The following STIM1 variants were observed in gnomAD, a reference collection of about 807,000 sequenced individuals.
STIM1 encodes the protein stromal interaction molecule 1.
Under a neutral mutation model 74.7 loss-of-function variants are expected in STIM1, and 25 were observed. The observed-to-expected ratio is 0.33, with a 90% CI of 0.24 to 0.47. STIM1 has a LOEUF of 0.47. STIM1 is among the 20% of genes least tolerant of loss of function. The pLI is 1.00. For synonymous variants in STIM1, 328 were observed against 348.8 expected, an observed-to-expected ratio of 0.94 and a Z score of 0.66; for missense variants, 728 against 920.8, an observed-to-expected ratio of 0.79 and a Z score of 2.71.
chr11:3,911,042 C>T (rs2092554570), intron 1 of STIM1, among the ~76,000 whole-genome samples: 1 of 152,098 alleles, frequency 6.6e-6, no homozygotes, highest in South Asian at 2.1e-4. Flanking sequence ...TCTCATCCTG[C>T]TGGAGTCTGT....
chr11:3,951,291 C>T (rs1278402997), intron 1 of STIM1, among the ~76,000 whole-genome samples: 1 of 152,166 alleles, frequency 6.6e-6, no homozygotes, highest in Non-Finnish European at 1.5e-5. Context: ...ATCTTGACTG[C>T]AACATTGTTT....
chr11:3,900,291 C>G (rs567661315), intron 1 of STIM1, among the ~76,000 whole-genome samples: 4 of 152,154 alleles, frequency 2.6e-5, no homozygotes, highest in African/African-American at 9.7e-5. Context: ...GTGGGAAAAG[C>G]GCAGTATTGG....
intron 1 of STIM1, among the ~76,000 whole-genome samples, chr11:3,943,001 T>A (rs978465111): frequency 4.6e-5 from 7 of 152,170 alleles, no homozygotes; most frequent in Non-Finnish European, 1.0e-4. Context: ...CCCAGAAGGA[T>A]GTTATCATTG....
chr11:4,008,826 C>T (rs1297971174), intron 2 of STIM1, among the ~76,000 whole-genome samples: 1 of 152,130 alleles, frequency 6.6e-6, no homozygotes, highest in South Asian at 2.1e-4. Context: ...AAACTTCACA[C>T]AGACAGTAGC....
chr11:3,904,765 A>G (rs538963266), intron 1 of STIM1, among the ~76,000 whole-genome samples: 121 of 152,238 alleles, frequency 7.9e-4, no homozygotes, highest in African/African-American at 2.5e-3. Flanking sequence ...AACACATGGA[A>G]TACAAGAGAG....
intron 3 of STIM1, among the ~76,000 whole-genome samples, chr11:4,045,454 T>A (rs528068300): frequency 3.0e-5 from 4 of 134,266 alleles, no homozygotes. Context: ...TCCATCAGCA[T>A]TTTTTTTTTT....
intron 2 of STIM1, among the ~76,000 whole-genome samples, chr11:3,991,408 C>T (rs1388733264): frequency 6.6e-6 from 1 of 151,586 alleles, no homozygotes; most frequent in East Asian, 2.0e-4. Flanking sequence ...TGGGCTCAAG[C>T]TCTCCTCCCG....
At chr11:3,895,700 TTC>T (rs2092092618) in intron 1 of STIM1, among the ~76,000 whole-genome samples, 1 of 29,758 alleles carries the variant, frequency 3.4e-5, no homozygotes, top group African/African-American at 2.2e-4. Context: ...CTTTCTTTCT[TTC>T]TTTCTTTCTT....
chr11:3,874,755 C>T (rs568933278), intron 1 of STIM1, among the ~76,000 whole-genome samples: 33 of 152,144 alleles, frequency 2.2e-4, no homozygotes, highest in Middle Eastern at 3.2e-3. Flanking sequence ...CCCGCTCCTG[C>T]AAGATTTGGT....
chr11:3,928,940 G>A (rs2092823925), intron 1 of STIM1, among the ~76,000 whole-genome samples: 1 of 152,058 alleles, frequency 6.6e-6, no homozygotes, highest in Non-Finnish European at 1.5e-5. Context: ...GAGCAATCTC[G>A]GCTCACTGCA....
Position 4,084,656 on chromosome 11 carries a change from C to T in STIM1, c.1475-17C>T. On this transcript the variant is annotated splice_polypyrimidine_tract_variant and intron_variant, in intron 10 of 12. Transcript: ENST00000526596. ...AATCAGATTCTCTTCTCCTTTTGGC[C>T]TGGCTGTTGACCCTAGATGCTGCCT... is the stretch of plus-strand genomic sequence containing the variant. The T allele has an allele frequency of 1.6e-6, 2 of 1,289,248 alleles. No homozygotes were observed. The highest frequency in any genetic ancestry group is 2.0e-6 in the Non-Finnish European group (2 of 988,734). 79.9% of individuals were successfully genotyped at this position (1,289,248 alleles called of 1,614,324 possible).
intron 1 of STIM1, among the ~76,000 whole-genome samples, chr11:3,860,222 A>G (rs1272882173): frequency 6.6e-6 from 1 of 152,250 alleles, no homozygotes; most frequent in Non-Finnish European, 1.5e-5. Flanking sequence ...TTAATACAAT[A>G]ACATCAATGA....
intron 7 of STIM1, among the ~76,000 whole-genome samples, 161 bp from the exon 8 acceptor site, chr11:4,082,023 G>A (rs2094467975): frequency 6.6e-6 from 1 of 152,216 alleles, no homozygotes; most frequent in Non-Finnish European, 1.5e-5. Context: ...TCTTCGCTGA[G>A]CTTGCTTTCT....
intron 3 of STIM1, among the ~76,000 whole-genome samples, chr11:4,032,297 T>C (rs546867266): frequency 1.5e-4 from 23 of 152,194 alleles, no homozygotes; most frequent in Non-Finnish European, 2.6e-4. Context: ...CAGGGCAGCA[T>C]AGCAAGAACC....
At chr11:4,070,706 A>G (rs2133164427) in intron 6 of STIM1, among the ~76,000 whole-genome samples, 1 of 152,328 alleles carries the variant, frequency 6.6e-6, no homozygotes. Context: ...CTCATTGGTA[A>G]TATGAAGGGA....
chr11:3,870,713 G>A (rs2091051315), intron 1 of STIM1, among the ~76,000 whole-genome samples: 1 of 151,962 alleles, frequency 6.6e-6, no homozygotes, highest in Admixed American at 6.6e-5. Flanking sequence ...GCCCAGGCTG[G>A]TCTGGAACTC....
chr11:3,933,942 C>T (rs1475806755), intron 1 of STIM1, among the ~76,000 whole-genome samples: 3 of 152,126 alleles, frequency 2.0e-5, no homozygotes, highest in Non-Finnish European at 2.9e-5. Flanking sequence ...TTCTAAATTG[C>T]GTGGCTACTG....
chr11:3,986,864 G>A (rs1259448122), intron 2 of STIM1, among the ~76,000 whole-genome samples: 1 of 152,210 alleles, frequency 6.6e-6, no homozygotes, highest in Non-Finnish European at 1.5e-5. Flanking sequence ...TATAGTTGTT[G>A]TGTTATCCAG....
chr11:4,091,841 G>A lies in STIM1; in HGVS notation c.*43G>A, dbSNP rs1174117880. 5.6e-6 allele frequency: 9 copies of A among 1,598,680 alleles called. No homozygotes were observed. Among genetic ancestry groups the A allele is most frequent in the South Asian group, 2.2e-5 (2 of 90,884 alleles). On this transcript the variant is annotated 3_prime_UTR_variant, in exon 13 of 13. Coordinates refer to ENST00000526596, the MANE Select transcript of STIM1 (RefSeq NM_001382567.1). Reference sequence around the variant, plus strand: ...TAAAGGGACAGCTTGTCCTTCCCTGGGTGTTCTGTCTCTCCTTCCCTCCCT... The same window carrying A: ...TAAAGGGACAGCTTGTCCTTCCCTGAGTGTTCTGTCTCTCCTTCCCTCCCT...
Sources: gnomAD v4.1 joint callset for allele counts (sites outside exome capture counted in the v4.1 genomes callset) on GRCh38, gnomAD v4.1.1 for gene constraint, MANE v1.5 for transcripts, NCBI Gene and HGNC (gene_info 2026-07-23, HGNC 2026-07-21) for gene names.